ARHGAP24: variants seen among roughly 807,000 people sequenced by gnomAD.
ARHGAP24 encodes rho GTPase-activating protein 24.
A neutral mutation model predicts 76.4 loss-of-function variants in ARHGAP24; 50 were observed. That is an observed-to-expected ratio of 0.65 (90% CI 0.52 to 0.83). ARHGAP24 has a LOEUF of 0.83. Ranked by LOEUF, ARHGAP24 falls within the 40% of genes least tolerant of loss-of-function variation. The probability of loss-of-function intolerance (pLI) is 0.00; values close to 1 mark genes in which losing one functional copy is unlikely to be tolerated. For synonymous variants in ARHGAP24, 345 were observed against 323.3 expected (o/e 1.07, Z -0.72); for missense variants, 930 against 914.2 (o/e 1.02, Z -0.22).
intron 4 of ARHGAP24, among the ~76,000 whole-genome samples, chr4:85,925,267 C>G (rs1735959415): frequency 1.3e-5 from 2 of 152,224 alleles, no homozygotes; most frequent in Non-Finnish European, 2.9e-5. Flanking sequence ...TGTGAATCGT[C>G]CAATTGTCCA....
At chr4:85,592,531 A>G (rs1728160365) in intron 2 of ARHGAP24, among the ~76,000 whole-genome samples, 1 of 152,178 alleles carries the variant, frequency 6.6e-6, no homozygotes, top group Non-Finnish European at 1.5e-5. Flanking sequence ...CAGTTAAATT[A>G]TTATTGACTA....
At chr4:85,800,736 ACAATG>A (rs1475587285) in intron 3 of ARHGAP24, among the ~76,000 whole-genome samples, 5 of 152,254 alleles carry the variant, frequency 3.3e-5, no homozygotes, top group Non-Finnish European at 5.9e-5. Flanking sequence ...CTACATTGAA[ACAATG>A]CTTATAACCA....
chr4:85,641,059 A>T (rs915927512), intron 2 of ARHGAP24, among the ~76,000 whole-genome samples: 18 of 152,132 alleles, frequency 1.2e-4, no homozygotes, highest in African/African-American at 3.9e-4. Flanking sequence ...AAATTTCTTT[A>T]AGTTATTAAA....
chr4:85,922,252 T>C (rs1377341359), intron 3 of ARHGAP24, among the ~76,000 whole-genome samples: 1 of 152,218 alleles, frequency 6.6e-6, no homozygotes, highest in Non-Finnish European at 1.5e-5. Context: ...CAAAAATTTA[T>C]ATCAATGCTA....
intron 5 of ARHGAP24, among the ~76,000 whole-genome samples, chr4:85,956,529 C>T (rs1737909967): frequency 1.3e-5 from 2 of 152,100 alleles, no homozygotes; most frequent in Non-Finnish European, 2.9e-5. Context: ...TTCTTGGCCT[C>T]ACGGATTCCA....
At chr4:85,621,680 A>G (rs2110003844) in intron 2 of ARHGAP24, among the ~76,000 whole-genome samples, 1 of 152,092 alleles carries the variant, frequency 6.6e-6, no homozygotes, top group South Asian at 2.1e-4. Context: ...CATCAGATTT[A>G]TAGTTTGAAA....
intron 3 of ARHGAP24, among the ~76,000 whole-genome samples, chr4:85,900,677 C>T (rs529260796): frequency 1.5e-4 from 23 of 152,242 alleles, no homozygotes; most frequent in African/African-American, 4.1e-4. Context: ...CCACCTGCCT[C>T]GGCCTCCCAA....
At chr4:85,765,792 T>G (rs957724427) in intron 3 of ARHGAP24, among the ~76,000 whole-genome samples, 1 of 152,164 alleles carries the variant, frequency 6.6e-6, no homozygotes, top group East Asian at 1.9e-4. Flanking sequence ...AAAGTACATT[T>G]ATAAAAATCA....
chr4:85,651,214 A>G (rs1440778372), intron 2 of ARHGAP24, among the ~76,000 whole-genome samples: 1 of 149,324 alleles, frequency 6.7e-6, no homozygotes, highest in Non-Finnish European at 1.5e-5. Flanking sequence ...CTCTGCAAGA[A>G]GTTTGGGTAT....
At chr4:85,723,260 CTT>C (rs1377698236) in intron 3 of ARHGAP24, 1 of 152,166 alleles carries the variant, frequency 6.6e-6, no homozygotes, top group Non-Finnish European at 1.5e-5. Context: ...ATGGTTGACT[CTT>C]TATCTCCAAT....
chr4:85,631,638 A>G (rs889783654), intron 2 of ARHGAP24, among the ~76,000 whole-genome samples: 3 of 152,030 alleles, frequency 2.0e-5, no homozygotes, highest in African/African-American at 7.2e-5. Context: ...TTTGCTATAG[A>G]TTTCCTATTC....
intron 3 of ARHGAP24, among the ~76,000 whole-genome samples, chr4:85,741,225 G>A (rs1046538414): frequency 2.0e-5 from 3 of 152,116 alleles, no homozygotes; most frequent in Non-Finnish European, 4.4e-5. Context: ...GCACAAGAGA[G>A]AAGAAAAACA....
At chr4:85,895,001 CAAAAAAAAAA>C (rs1222078793) in intron 3 of ARHGAP24, among the ~76,000 whole-genome samples, 1 of 54,344 alleles carries the variant, frequency 1.8e-5, no homozygotes, top group Non-Finnish European at 3.1e-5. Flanking sequence ...AAACAAAAAG[CAAAAAAAAAA>C]AAAAAAAAAA....
intron 1 of ARHGAP24, among the ~76,000 whole-genome samples, chr4:85,541,531 T>G (rs1725702487): frequency 6.6e-6 from 1 of 152,190 alleles, no homozygotes; most frequent in African/African-American, 2.4e-5. Flanking sequence ...ATATATTTTT[T>G]TGTGTCTAGC....
intron 2 of ARHGAP24, among the ~76,000 whole-genome samples, chr4:85,602,089 T>A (rs1394165179): frequency 6.6e-6 from 1 of 152,214 alleles, no homozygotes; most frequent in East Asian, 1.9e-4. Flanking sequence ...ACTTTCTGCG[T>A]GATAGAGCTT....
At chr4:85,842,427 T>C (rs1032208338) in intron 3 of ARHGAP24, among the ~76,000 whole-genome samples, 2 of 152,198 alleles carry the variant, frequency 1.3e-5, no homozygotes, top group Middle Eastern at 3.2e-3. Context: ...ATGTGTATCA[T>C]AGTACTGTGG....
intron 3 of ARHGAP24, among the ~76,000 whole-genome samples, chr4:85,842,650 C>G (rs769992432): frequency 2.6e-5 from 4 of 152,182 alleles, no homozygotes; most frequent in Non-Finnish European, 5.9e-5. Context: ...ATTATACACA[C>G]GTCAGCTGTG....
chr4:85,697,798 G>A (rs1442164324), intron 2 of ARHGAP24, among the ~76,000 whole-genome samples: 1 of 152,216 alleles, frequency 6.6e-6, no homozygotes, highest in Non-Finnish European at 1.5e-5. Context: ...ATGTTTCTGT[G>A]TGAGGTGGAG....
At chr4:85,951,359 A>G (rs1158060662) in intron 5 of ARHGAP24, among the ~76,000 whole-genome samples, 1 of 151,110 alleles carries the variant, frequency 6.6e-6, no homozygotes, top group African/African-American at 2.4e-5. Context: ...TTTTTTTTTT[A>G]GTTAATTGGC....
Sources: allele counts gnomAD v4.1 joint callset (sites outside exome capture counted in the v4.1 genomes callset), GRCh38; gene constraint gnomAD v4.1.1; transcripts MANE v1.5; gene names NCBI Gene and HGNC (gene_info 2026-07-23, HGNC 2026-07-21).